Variants in LRRK2 observed in about 807,000 individuals in gnomAD.
The protein encoded by LRRK2 is leucine rich repeat kinase 2, also known as leucine-rich repeat serine/threonine-protein kinase 2.
In LRRK2, 203 loss-of-function variants were observed where a neutral mutation model predicts 302.6. The observed-to-expected ratio is 0.67, with a 90% CI of 0.60 to 0.75. LRRK2 has a LOEUF of 0.75. Ranked by LOEUF, LRRK2 falls within the 30% of genes least tolerant of loss-of-function variation. LRRK2 has a pLI of 0.00. For synonymous variants in LRRK2, 1,066 were observed against 1,031.9 expected (o/e 1.03, Z -0.63); for missense variants, 2,830 against 2,951.0 (o/e 0.96, Z 0.95).
intron 41 of LRRK2, among the ~76,000 whole-genome samples, chr12:40,343,112 T>TC (rs897201510): frequency 2.0e-5 from 3 of 152,218 alleles, no homozygotes; most frequent in African/African-American, 7.2e-5. Context: ...GAGCTCCTGG[T>TC]CCAGCACTGT....
At chr12:40,294,213 A>T (rs1944291124) in intron 21 of LRRK2, among the ~76,000 whole-genome samples, 1 of 151,694 alleles carries the variant, frequency 6.6e-6, no homozygotes, top group Non-Finnish European at 1.5e-5. Flanking sequence ...ATTTTGGTGT[A>T]TTGAAAGTCA....
chr12:40,291,250 A>T (rs944012792), intron 20 of LRRK2, among the ~76,000 whole-genome samples: 1 of 150,798 alleles, frequency 6.6e-6, no homozygotes, highest in South Asian at 2.1e-4. Context: ...GGACACAGGA[A>T]GGGGAACATC....
At chr12:40,325,012 G>T (rs181776846) in intron 38 of LRRK2, among the ~76,000 whole-genome samples, 2 of 152,234 alleles carry the variant, frequency 1.3e-5, no homozygotes, top group East Asian at 3.8e-4. Context: ...AGTTGGCCAG[G>T]TGTAGTAGCT....
rs796121981 is a variant in LRRK2, at chr12:40,359,372, G to T, written c.6956G>T (p.Cys2319Phe). 3 of 1,613,314 alleles carry T rather than the reference G, an allele frequency of 1.9e-6. No individual in the cohort carries two copies. Among genetic ancestry groups the T allele is most frequent in the Non-Finnish European group, 8.5e-7 (1 of 1,179,550 alleles). ...GAAAGAAATGTAATGTGGGGAGGATGTGGCACAAAGATTTTCTCCTTTTCT... is the reference window on the plus strand; with the variant it reads ...GAAAGAAATGTAATGTGGGGAGGATTTGGCACAAAGATTTTCTCCTTTTCT... ...STERNVMWGG[C>F]GTKIFSFSND... The change falls in exon 47 of 51, where the codon TGT (cysteine) becomes TTT (phenylalanine). Residue 2319 changes from cysteine (C) to phenylalanine (F), a missense_variant. Physicochemically the swap from Cys to Phe is radical, Grantham distance 205. Coordinates refer to ENST00000298910, the MANE Select transcript of LRRK2 (RefSeq NM_198578.4).
intron 49 of LRRK2, 33 bp downstream of exon 49, chr12:40,365,083 T>A: frequency 6.4e-7 from 1 of 1,569,206 alleles, no homozygotes; most frequent in Non-Finnish European, 8.8e-7. Flanking sequence ...TTTTTCATAT[T>A]CTCTAAGTCT....
intron 3 of LRRK2, among the ~76,000 whole-genome samples, chr12:40,234,629 G>A (rs745348706): frequency 3.3e-5 from 5 of 151,682 alleles, no homozygotes; most frequent in Non-Finnish European, 5.9e-5. Flanking sequence ...CCCCCGCCTC[G>A]GCGTCCCAAA....
chr12:40,232,509 T>A (rs1941250961), intron 3 of LRRK2, 126 bp downstream of exon 3: 1 of 740,850 alleles, frequency 1.3e-6, no homozygotes, highest in Non-Finnish European at 2.4e-6. Context: ...AATACAGATA[T>A]TTTTCCTTGA....
intron 28 of LRRK2, among the ~76,000 whole-genome samples, chr12:40,308,027 A>T (rs1199600099): frequency 4.6e-5 from 7 of 151,510 alleles, no homozygotes; most frequent in African/African-American, 1.7e-4. Context: ...TGATCCGCCC[A>T]CCTCGGCCTC....
At chr12:40,256,125 T>C (rs997609901) in intron 11 of LRRK2, among the ~76,000 whole-genome samples, 1 of 152,116 alleles carries the variant, frequency 6.6e-6, no homozygotes, top group African/African-American at 2.4e-5. Context: ...GACAGTAGGT[T>C]TATGTTTAGT....
At chr12:40,307,294 C>G (rs950250980) in intron 28 of LRRK2, among the ~76,000 whole-genome samples, 2 of 152,086 alleles carry the variant, frequency 1.3e-5, no homozygotes, top group African/African-American at 4.8e-5. Flanking sequence ...GATCACTACT[C>G]TGATGTAAAA....
At chr12:40,256,106 A>C (rs1942487782) in intron 11 of LRRK2, among the ~76,000 whole-genome samples, 1 of 152,190 alleles carries the variant, frequency 6.6e-6, no homozygotes, top group African/African-American at 2.4e-5. Flanking sequence ...ATTTATGTGG[A>C]AACTTGAAGA....
rs1945185370 is a variant in LRRK2, at chr12:40,315,442, A to G, written c.4827+142A>G. 5.5e-6 allele frequency: 4 copies of G among 723,750 alleles called. No homozygotes were observed. In the East Asian group the frequency reaches 1.0e-4, roughly 19 times the overall value. The allele number at this position is 723,750 out of a possible 1,614,324, so 44.8% of individuals were successfully genotyped here. On this transcript the variant is annotated intron_variant, in intron 33 of 50. Coordinates refer to ENST00000298910, the MANE Select transcript of LRRK2 (RefSeq NM_198578.4). ...TTTGGAAAACTGTGGAACATTTCAC[A>G]TAGAAGACTACTTGAAGAGCTTCAT...
rs1298178342 is a variant in LRRK2 at position 40,251,374 on chromosome 12, G to A, written c.1101G>A (p.Gln367=). 2 of 1,613,836 alleles carry A rather than the reference G, an allele frequency of 1.2e-6. No individual in the cohort carries two copies. The highest frequency in any genetic ancestry group is 1.1e-5 in the South Asian group (1 of 91,068). Residue 367 remains glutamine, a splice_region_variant and synonymous_variant, in exon 9 of 51, where the codon CAG becomes CAA. Transcript: ENST00000298910. ...GGCATAGAAAGAACAAGCACGTGCA[G>A]GTAGGACTCTCATAAATATTAGAGT... The part of the protein sequence containing the change: ...LTWHRKNKHV[Q]EAACWALNNL...
chr12:40,363,682 T>A, intron 48 of LRRK2, 128 bp downstream of exon 48: 1 of 988,514 alleles, frequency 1.0e-6, no homozygotes, highest in East Asian at 2.6e-5. Flanking sequence ...GAAAAAAATT[T>A]GTAATGCTTC....
At chr12:40,318,213 C>T (rs952090981) in intron 33 of LRRK2, among the ~76,000 whole-genome samples, 1 of 151,990 alleles carries the variant, frequency 6.6e-6, no homozygotes, top group African/African-American at 2.4e-5. Context: ...AACCACAAAC[C>T]TAGCTCAGAT....
chr12:40,328,577 A>G, intron 39 of LRRK2, 117 bp downstream of exon 39: 3 of 758,720 alleles, frequency 4.0e-6, no homozygotes, highest in Non-Finnish European at 6.4e-6. Flanking sequence ...CTTAAGTTTA[A>G]TTATGCAATC....
At chr12:40,353,471 C>T (rs1427340147) in intron 44 of LRRK2, among the ~76,000 whole-genome samples, 6 of 148,372 alleles carry the variant, frequency 4.0e-5, no homozygotes, top group South Asian at 2.2e-4. Context: ...GGATGGCGGC[C>T]GGGAAGAGGC....
intron 44 of LRRK2, among the ~76,000 whole-genome samples, chr12:40,353,732 G>C (rs3930031): frequency 0.77 from 116,816 of 152,152 alleles, 45,707 homozygotes; most frequent in Non-Finnish European, 0.86. Context: ...CTGCAATCCC[G>C]GCACCTCGGG....
intron 45 of LRRK2, among the ~76,000 whole-genome samples, chr12:40,355,222 T>A (rs985361720): frequency 6.6e-6 from 1 of 152,160 alleles, no homozygotes; most frequent in Non-Finnish European, 1.5e-5. Context: ...TATTTGAATA[T>A]GGTCAAAGAA....
Sources: allele counts gnomAD v4.1 joint callset (sites outside exome capture counted in the v4.1 genomes callset), GRCh38; gene constraint gnomAD v4.1.1; transcripts MANE v1.5; gene names NCBI Gene and HGNC (gene_info 2026-07-23, HGNC 2026-07-21).